Variants in MTSS1 observed in about 807,000 individuals in gnomAD.
The protein encoded by MTSS1 is MTSS I-BAR domain containing 1.
MTSS1 carries 18 observed loss-of-function variants against 79.0 expected under a neutral mutation model. The ratio of observed to expected loss-of-function variants is 0.23; its 90% CI spans 0.16 to 0.34. The LOEUF (loss-of-function observed/expected upper bound fraction) is 0.34. Among genes scored for constraint, MTSS1 ranks in the 10% least tolerant of loss-of-function variants. MTSS1 has a pLI of 1.00. For missense variants in MTSS1, 815 were observed against 986.2 expected, an observed-to-expected ratio of 0.83 and a Z score of 2.33; for synonymous variants, 341 against 368.6, an observed-to-expected ratio of 0.93 and a Z score of 0.86.
intron 3 of MTSS1, among the ~76,000 whole-genome samples, chr8:124,643,038 ATTC>A (rs1273126609): frequency 1.3e-5 from 2 of 152,180 alleles, no homozygotes; most frequent in Non-Finnish European, 2.9e-5. Context: ...GGTAGCTGCT[ATTC>A]TTCTTTTTCT....
Position 124,552,102 on chromosome 8 carries a change from T to G in MTSS1, c.*890A>C, listed in dbSNP as rs182927527. The stretch of plus-strand genomic sequence containing the variant: ...AACTGCCTTACCCTTTTGGATGTAT[T>G]TGGATTCCATAAAGGTGAGTACAAT... On this transcript the variant is annotated 3_prime_UTR_variant, in exon 14 of 14. Transcript: ENST00000518547. The G allele has an allele frequency of 6.6e-6, 1 of 152,666 alleles. No individual in the cohort carries two copies. Among genetic ancestry groups the G allele is most frequent in the African/African-American group, 2.4e-5 (1 of 41,456 alleles). 9.5% of individuals were successfully genotyped at this position (152,666 alleles called of 1,614,324 possible).
chr8:124,552,961 T>C lies in MTSS1; in HGVS notation c.*31A>G. On this transcript the variant is annotated 3_prime_UTR_variant, in exon 14 of 14. Coordinates refer to ENST00000518547, the MANE Select transcript of MTSS1 (RefSeq NM_014751.6). Reference sequence around the variant, plus strand: ...AAATTAGGTTTTATTAATGAAACAGTTCATTCCCCACCGGCGCATTTCTTG... The same window carrying C: ...AAATTAGGTTTTATTAATGAAACAGCTCATTCCCCACCGGCGCATTTCTTG... The C allele has an allele frequency of 6.3e-7, 1 of 1,596,166 alleles. No homozygotes were observed. The highest frequency in any genetic ancestry group is 1.1e-5 in the South Asian group (1 of 90,452).
chr8:124,661,573 A>C (rs552399825), intron 3 of MTSS1, among the ~76,000 whole-genome samples: 2 of 152,320 alleles, frequency 1.3e-5, no homozygotes, highest in African/African-American at 4.8e-5. Flanking sequence ...CAGGTAGTGG[A>C]GTCCTAGCCA....
intron 1 of MTSS1, among the ~76,000 whole-genome samples, chr8:124,723,866 G>A (rs1190487542): frequency 1.3e-5 from 2 of 152,182 alleles, no homozygotes; most frequent in African/African-American, 4.8e-5. Context: ...ACCTGGCTGA[G>A]GCCTTGGTTG....
At chr8:124,575,571 G>GT (rs11472869) in intron 6 of MTSS1, among the ~76,000 whole-genome samples, 3 of 151,616 alleles carry the variant, frequency 2.0e-5, no homozygotes, top group African/African-American at 7.3e-5. Context: ...GGTAGGGTGG[G>GT]TTTTTTGTTG....
intron 2 of MTSS1, among the ~76,000 whole-genome samples, chr8:124,702,701 A>T (rs897581296): frequency 3.3e-5 from 5 of 152,034 alleles, no homozygotes; most frequent in Non-Finnish European, 5.9e-5. Context: ...TGTCGTCCAC[A>T]TGGCTCTTTA....
chr8:124,708,630 A>T (rs117713383), intron 1 of MTSS1, among the ~76,000 whole-genome samples: 2,183 of 152,288 alleles, frequency 0.014, 28 homozygotes, highest in South Asian at 0.034. Context: ...CGACTACTCA[A>T]ACCACTGAAG....
chr8:124,680,473 C>T (rs1825952452), intron 3 of MTSS1, among the ~76,000 whole-genome samples: 1 of 152,120 alleles, frequency 6.6e-6, no homozygotes, highest in Non-Finnish European at 1.5e-5. Context: ...GGAGAGCACA[C>T]TTGGAGGGGC....
At chr8:124,642,721 T>C (rs1818281166) in intron 3 of MTSS1, among the ~76,000 whole-genome samples, 2 of 152,170 alleles carry the variant, frequency 1.3e-5, no homozygotes, top group South Asian at 2.1e-4. Context: ...GACTCTCAAG[T>C]AGCTGAGATT....
chr8:124,618,927 T>C (rs111755870), intron 3 of MTSS1, among the ~76,000 whole-genome samples: 108 of 152,356 alleles, frequency 7.1e-4, no homozygotes, highest in African/African-American at 2.2e-3. Flanking sequence ...CTGGAAGATC[T>C]AAGGAGCTAG....
intron 13 of MTSS1, among the ~76,000 whole-genome samples, chr8:124,555,373 G>C (rs549159821): frequency 6.6e-6 from 1 of 152,230 alleles, no homozygotes; most frequent in South Asian, 2.1e-4. Flanking sequence ...AGCCTCCTGA[G>C]TAGCTGGGAC....
chr8:124,568,800 C>G lies in MTSS1; in HGVS notation c.461-264G>C, dbSNP rs185956816. 2.1e-3 allele frequency: 3,105 copies of G among 1,446,132 alleles called. 7 individuals carry two copies. Among genetic ancestry groups the G allele is most frequent in the Non-Finnish European group, 2.6e-3 (2,825 of 1,107,482 alleles). 89.6% of individuals were successfully genotyped at this position (1,446,132 alleles called of 1,614,324 possible). ...GGGGCAACTCTTCATGACTTGCCTT[C>G]TCACACTGCACAACCCCCACCAACT... is the stretch of plus-strand genomic sequence containing the variant. On this transcript the variant is annotated intron_variant, in intron 6 of 13. Coordinates refer to ENST00000518547, the MANE Select transcript of MTSS1 (RefSeq NM_014751.6).
intron 3 of MTSS1, among the ~76,000 whole-genome samples, chr8:124,634,005 A>AT (rs1816519780): frequency 6.6e-6 from 1 of 152,190 alleles, no homozygotes; most frequent in Non-Finnish European, 1.5e-5. Context: ...GTATCAAAGT[A>AT]TAAATTCATC....
intron 10 of MTSS1, among the ~76,000 whole-genome samples, chr8:124,559,152 G>A (rs1461927490): frequency 6.6e-6 from 1 of 152,184 alleles, no homozygotes; most frequent in Non-Finnish European, 1.5e-5. Context: ...AAGCATGCCT[G>A]GCACCGAAAT....
At chr8:124,607,057 G>A (rs1050729994) in intron 3 of MTSS1, among the ~76,000 whole-genome samples, 4 of 152,186 alleles carry the variant, frequency 2.6e-5, no homozygotes, top group Non-Finnish European at 5.9e-5. Context: ...AGAAACTGAC[G>A]TTTTAGAAAC....
intron 1 of MTSS1, among the ~76,000 whole-genome samples, chr8:124,726,607 C>G (rs942721854): frequency 1.1e-4 from 16 of 152,222 alleles, no homozygotes; most frequent in African/African-American, 3.9e-4. Flanking sequence ...GCAGTTGGTT[C>G]TGAAAGGTGG....
intron 1 of MTSS1, among the ~76,000 whole-genome samples, chr8:124,719,912 G>A (rs759225928): frequency 2.2e-4 from 33 of 152,260 alleles, no homozygotes; most frequent in Non-Finnish European, 4.7e-4. Flanking sequence ...CATTTTACAG[G>A]TAAGAAAATC....
In MTSS1 at chr8:124,585,087, CT is replaced by C. The variant is rs1563799887; in HGVS notation, c.459del (p.Arg155GlufsTer34). On this transcript the variant is annotated frameshift_variant and splice_region_variant, in exon 6 of 14. Transcript: ENST00000518547. LOFTEE classifies it high-confidence loss of function. ...TCAGTGGCAGAATTTTAGGAGTTAC[CT>C]TTTTTTGCTTTCTTCTGCAGTTTCA... ...DTLKLQKKAK[K>X]GRGDIQPQLD... is the part of the protein sequence containing the mutation. 2 of 1,611,546 alleles carry C rather than the reference CT, an allele frequency of 1.2e-6. No homozygotes were observed. Among genetic ancestry groups the C allele is most frequent in the South Asian group, 1.1e-5 (1 of 90,432 alleles).
intron 3 of MTSS1, among the ~76,000 whole-genome samples, chr8:124,626,394 C>T (rs1204233521): frequency 6.6e-6 from 1 of 152,034 alleles, no homozygotes; most frequent in Non-Finnish European, 1.5e-5. Flanking sequence ...CTCAGCTACT[C>T]GGGAAGCTGA....
Sources: allele counts gnomAD v4.1 joint callset (sites outside exome capture counted in the v4.1 genomes callset), GRCh38; gene constraint gnomAD v4.1.1; transcripts MANE v1.5; gene names NCBI Gene and HGNC (gene_info 2026-07-23, HGNC 2026-07-21).